STOML3: variants seen among roughly 807,000 people sequenced by gnomAD.
The protein encoded by STOML3 is stomatin like 3.
STOML3 carries 31 observed loss-of-function variants against 29.5 expected under a neutral mutation model. The observed-to-expected ratio is 1.05, with a 90% CI of 0.79 to 1.42. The LOEUF (loss-of-function observed/expected upper bound fraction) is 1.42. Among genes scored for constraint, STOML3 ranks in the 40% most tolerant of loss-of-function variants. The pLI is 0.00. For synonymous variants in STOML3, 122 were observed against 139.8 expected (o/e 0.87, Z 0.90); for missense variants, 380 against 363.0 (o/e 1.05, Z -0.38).
At chr13:38,988,517 CAT>C (rs1350112880) in intron 1 of STOML3, among the ~76,000 whole-genome samples, 1 of 5,904 alleles carries the variant, frequency 1.7e-4, no homozygotes, top group Non-Finnish European at 4.7e-4. Flanking sequence ...TATTTTATAT[CAT>C]ATATTTTATA....
chr13:38,976,428 T>C (rs909227791), intron 3 of STOML3, 112 bp downstream of exon 3: 9 of 1,216,108 alleles, frequency 7.4e-6, no homozygotes, highest in East Asian at 2.5e-5. Flanking sequence ...CCCCAGCTTC[T>C]AGCAATTTTT....
intron 3 of STOML3, among the ~76,000 whole-genome samples, chr13:38,975,604 G>A (rs1420992792): frequency 1.3e-5 from 2 of 152,106 alleles, no homozygotes; most frequent in African/African-American, 2.4e-5. Context: ...TGCCTTCTAA[G>A]ACAGTGCTTT....
chr13:38,978,146 ATTTTT>A (rs1244817115), intron 1 of STOML3, among the ~76,000 whole-genome samples: 2 of 147,606 alleles, frequency 1.4e-5, no homozygotes, highest in Non-Finnish European at 3.0e-5. Context: ...TCCTTTAATT[ATTTTT>A]ACTTTTATTT....
intron 1 of STOML3, among the ~76,000 whole-genome samples, chr13:38,985,723 T>TAA (rs1388316318): frequency 6.6e-6 from 1 of 151,902 alleles, no homozygotes; most frequent in Non-Finnish European, 1.5e-5. Context: ...TATATATTTT[T>TAA]AAGTTTATAA....
chr13:38,982,621 C>CTTTTTCT (rs1216705181), intron 1 of STOML3, among the ~76,000 whole-genome samples: 1 of 152,110 alleles, frequency 6.6e-6, no homozygotes, highest in Non-Finnish European at 1.5e-5. Context: ...GAAAATAAAT[C>CTTTTTCT]TTGGGACCCC....
intron 4 of STOML3, among the ~76,000 whole-genome samples, chr13:38,971,524 C>A (rs1409547392): frequency 6.6e-6 from 1 of 152,192 alleles, no homozygotes; most frequent in African/African-American, 2.4e-5. Context: ...CTAACCTGAA[C>A]CACTTTGGTT....
chr13:38,973,038 C>A (rs1880936880), intron 3 of STOML3, among the ~76,000 whole-genome samples: 1 of 136,640 alleles, frequency 7.3e-6, no homozygotes, highest in South Asian at 2.3e-4. Context: ...GCAGGCAGAT[C>A]ACCTGAGGTC....
At chr13:38,975,530 C>T (rs146312594) in intron 3 of STOML3, among the ~76,000 whole-genome samples, 26 of 152,020 alleles carry the variant, frequency 1.7e-4, no homozygotes, top group African/African-American at 6.3e-4. Flanking sequence ...TTCAAATAAG[C>T]CATAATGGGG....
intron 4 of STOML3, among the ~76,000 whole-genome samples, chr13:38,971,986 C>T (rs1447245354): frequency 6.6e-6 from 1 of 152,148 alleles, no homozygotes. Context: ...CAAGTGGGCC[C>T]TGTACAGCCT....
At chr13:38,988,427 ATT>A (rs1260587998) in intron 1 of STOML3, among the ~76,000 whole-genome samples, 1 of 107,590 alleles carries the variant, frequency 9.3e-6, no homozygotes, top group Non-Finnish European at 1.7e-5. Context: ...TATATCATAT[ATT>A]TTATATAAAA....
intron 3 of STOML3, among the ~76,000 whole-genome samples, chr13:38,973,892 A>G (rs1880979641): frequency 1.3e-5 from 2 of 152,212 alleles, no homozygotes. Context: ...GACTGCCAAC[A>G]TTCTCAGTCA....
rs1881079438 is a variant in STOML3 at position 38,976,530 on chromosome 13, T to A, written c.229+10A>T. 6.2e-7 allele frequency: 1 copy of A among 1,614,160 alleles called. No individual in the cohort carries two copies. Among genetic ancestry groups the A allele is most frequent in the Non-Finnish European group, 8.5e-7 (1 of 1,180,018 alleles). ...TGATCTTTCAGGGGCAGCCACCGCG[T>A]CATTCATACCTGGCCCCTTGGCTTT... On this transcript the variant is annotated intron_variant, in intron 3 of 6. Transcript: ENST00000379631.
chr13:38,982,388 C>T (rs12428487), intron 1 of STOML3, among the ~76,000 whole-genome samples: 5,144 of 152,072 alleles, frequency 0.034, 115 homozygotes, highest in South Asian at 0.1. Flanking sequence ...TTCTCTGCCT[C>T]TTTGAGATTT....
At chr13:38,975,658 A>C (rs1013755800) in intron 3 of STOML3, among the ~76,000 whole-genome samples, 2 of 152,172 alleles carry the variant, frequency 1.3e-5, no homozygotes, top group African/African-American at 4.8e-5. Flanking sequence ...ATCCCATGAA[A>C]TTGCCATATT....
rs181195686 is a variant in STOML3, at chr13:38,990,432, A to G, written c.52+238T>C. On this transcript the variant is annotated intron_variant, in intron 1 of 6. Coordinates refer to ENST00000379631, the MANE Select transcript of STOML3 (RefSeq NM_145286.3). The stretch of plus-strand genomic sequence containing the variant: ...ATTTCATACAGAAAGAAGAAATTCA[A>G]AGATAAACACCAACTTTATCTAAAA... Among the ~76,000 whole-genome samples the G allele has an allele frequency of 2.6e-5, 4 of 152,306 alleles. No homozygotes were observed. The East Asian group carries it at 7.7e-4, about 29-fold the overall frequency.
intron 1 of STOML3, among the ~76,000 whole-genome samples, chr13:38,988,151 C>T (rs1175556559): frequency 2.9e-4 from 23 of 80,056 alleles, no homozygotes; most frequent in East Asian, 4.0e-4. Flanking sequence ...TATTTTATAT[C>T]ATATATTTTA....
intron 1 of STOML3, among the ~76,000 whole-genome samples, chr13:38,977,750 A>ATTTTTTTTTTTTTTTTTTTTCTTTT (rs1881131785): frequency 1.2e-5 from 1 of 84,186 alleles, no homozygotes; most frequent in Non-Finnish European, 2.3e-5. Context: ...AAGTCTCCGG[A>ATTTTTTTTTTTTTTTTTTTTCTTTT]TTTTTTTTTT....
At chr13:38,968,299 A>C (rs1352378719) in intron 6 of STOML3, 101 bp downstream of exon 6, 1 of 1,490,970 alleles carries the variant, frequency 6.7e-7, no homozygotes, top group African/African-American at 1.4e-5. Context: ...CCCCTTTCTC[A>C]TGCAAATAAT....
intron 3 of STOML3, among the ~76,000 whole-genome samples, chr13:38,975,278 G>A (rs1050285230): frequency 2.0e-5 from 3 of 149,794 alleles, no homozygotes; most frequent in Non-Finnish European, 4.4e-5. Flanking sequence ...CCGAGATCAC[G>A]CCACTGCACT....
Sources: gnomAD v4.1 joint callset for allele counts (sites outside exome capture counted in the v4.1 genomes callset) on GRCh38, gnomAD v4.1.1 for gene constraint, MANE v1.5 for transcripts, NCBI Gene and HGNC (gene_info 2026-07-23, HGNC 2026-07-21) for gene names.